STIMATE: variants seen among roughly 807,000 people sequenced by gnomAD.
The protein encoded by STIMATE is store-operated calcium entry regulator STIMATE.
Under a neutral mutation model 36.7 loss-of-function variants are expected in STIMATE, and 15 were observed. That is an observed-to-expected ratio of 0.41 (90% confidence interval 0.27 to 0.63). STIMATE has a LOEUF of 0.63. Ranked by LOEUF, STIMATE falls within the 20% of genes least tolerant of loss-of-function variation. STIMATE has a pLI of 0.32. For missense variants in STIMATE, 305 were observed against 397.3 expected, an observed-to-expected ratio of 0.77 and a Z score of 1.98; for synonymous variants, 163 against 162.3, an observed-to-expected ratio of 1.00 and a Z score of -0.03.
At chr3:52,894,226 T>C (rs897505390) in intron 1 of STIMATE, among the ~76,000 whole-genome samples, 4 of 152,214 alleles carry the variant, frequency 2.6e-5, no homozygotes, top group Non-Finnish European at 4.4e-5. Flanking sequence ...AGTATGTTCA[T>C]CTTTCCTTGC....
chr3:52,843,185 G>A, intron 6 of STIMATE: 1 of 866,056 alleles, frequency 1.2e-6, no homozygotes, highest in Non-Finnish European at 1.7e-6. Flanking sequence ...AACGTGCCCT[G>A]ACGGGTTTTT....
intron 1 of STIMATE, among the ~76,000 whole-genome samples, chr3:52,859,504 A>AC (rs1431185172): frequency 5.7e-5 from 4 of 70,410 alleles, no homozygotes; most frequent in Non-Finnish European, 1.2e-4. Context: ...CATTTCTCCA[A>AC]AAAAAAAAAA....
chr3:52,856,368 T>C (rs538117315), intron 1 of STIMATE, among the ~76,000 whole-genome samples: 2 of 152,236 alleles, frequency 1.3e-5, no homozygotes, highest in African/African-American at 4.8e-5. Flanking sequence ...CAAAGACATG[T>C]TGGGACTAAG....
intron 1 of STIMATE, among the ~76,000 whole-genome samples, chr3:52,863,785 C>T (rs4350911): frequency 0.58 from 87,665 of 151,992 alleles, 25,723 homozygotes; most frequent in Middle Eastern, 0.64. Flanking sequence ...GAGAAATTGG[C>T]CAAAACAAAG....
rs996565261 is a variant in STIMATE, at chr3:52,883,971, T to C, written c.160+13320A>G. On this transcript the variant is annotated intron_variant, in intron 1 of 7. Transcript: ENST00000355083. ...ACCTAACCTGTCTAGAAATTGTTGA[T>C]TGGGGCTATACATCATGATTGTTAG... 5.3e-5 allele frequency among the ~76,000 whole-genome samples: 8 copies of C among 152,338 alleles called. No individual in the cohort carries two copies. In the East Asian group the frequency reaches 1.2e-3, roughly 22 times the overall value.
At chr3:52,841,425 C>G (rs1034380887) in intron 7 of STIMATE, among the ~76,000 whole-genome samples, 2 of 152,206 alleles carry the variant, frequency 1.3e-5, no homozygotes, top group Admixed American at 6.5e-5. Flanking sequence ...GTTCTAAGGC[C>G]CTGGAATGAC....
At position 52,884,257 on chromosome 3, in the gene STIMATE, T is replaced by C. The variant is rs555546477; in HGVS notation, c.160+13034A>G. ...CCATCACCCAAAAAGTTTTTTTTTTTTTTTTTGAGACAGAGTCTCACTCTG... is the reference window on the plus strand; with the variant it reads ...CCATCACCCAAAAAGTTTTTTTTTTCTTTTTTGAGACAGAGTCTCACTCTG... On this transcript the variant is annotated intron_variant, in intron 1 of 7. Transcript: ENST00000355083. Among the ~76,000 whole-genome samples the C allele has an allele frequency of 7.1e-3, 1,082 of 151,756 alleles. 111 individuals carry two copies. In the South Asian group the frequency reaches 0.2, roughly 28 times the overall value.
At chr3:52,855,324 C>A in intron 2 of STIMATE, 72 bp downstream of exon 2, 6 of 1,543,548 alleles carry the variant, frequency 3.9e-6, no homozygotes, top group Non-Finnish European at 5.3e-6. Flanking sequence ...CAACACCATA[C>A]CCCACCCCCA....
chr3:52,874,327 G>A (rs1221959939), intron 1 of STIMATE, among the ~76,000 whole-genome samples: 1 of 152,172 alleles, frequency 6.6e-6, no homozygotes, highest in Non-Finnish European at 1.5e-5. Context: ...AAACCCTCAT[G>A]CTAAATGGGG....
chr3:52,846,193 A>G (rs1700896484), intron 4 of STIMATE, among the ~76,000 whole-genome samples: 1 of 152,222 alleles, frequency 6.6e-6, no homozygotes, highest in Non-Finnish European at 1.5e-5. Context: ...TGTGGCAGAA[A>G]CACATCAGTC....
chr3:52,842,992 G>A, intron 6 of STIMATE, 32 bp from the exon 7 acceptor site: 6 of 1,613,454 alleles, frequency 3.7e-6, no homozygotes, highest in Middle Eastern at 1.7e-4. Flanking sequence ...GTTACTTTGG[G>A]ATAAACCATT....
At chr3:52,885,918 T>C (rs1332952088) in intron 1 of STIMATE, among the ~76,000 whole-genome samples, 1 of 152,236 alleles carries the variant, frequency 6.6e-6, no homozygotes, top group Non-Finnish European at 1.5e-5. Context: ...AGTTGCTTTA[T>C]ATATTTTGGC....
At chr3:52,843,955 G>A (rs1700852333) in intron 5 of STIMATE, among the ~76,000 whole-genome samples, 157 bp from the exon 6 acceptor site, 1 of 152,182 alleles carries the variant, frequency 6.6e-6, no homozygotes, top group Non-Finnish European at 1.5e-5. Flanking sequence ...GTTCCCAGAT[G>A]AGACTGTCCA....
At chr3:52,873,971 C>T (rs1701454494) in intron 1 of STIMATE, among the ~76,000 whole-genome samples, 1 of 152,204 alleles carries the variant, frequency 6.6e-6, no homozygotes, top group Non-Finnish European at 1.5e-5. Context: ...GTGTGTTTTC[C>T]ACCAGTCCAC....
At chr3:52,851,741 T>C (rs1701003287) in intron 3 of STIMATE, among the ~76,000 whole-genome samples, 1 of 152,240 alleles carries the variant, frequency 6.6e-6, no homozygotes, top group African/African-American at 2.4e-5. Context: ...TTCATTCACT[T>C]AGCAAACATT....
At chr3:52,885,718 T>C (rs1203727911) in intron 1 of STIMATE, among the ~76,000 whole-genome samples, 3 of 152,242 alleles carry the variant, frequency 2.0e-5, no homozygotes, top group South Asian at 4.1e-4. Context: ...AAATTCCAAC[T>C]GCATTGGCCT....
At chr3:52,868,667 G>C (rs1391588028) in intron 1 of STIMATE, among the ~76,000 whole-genome samples, 1 of 152,148 alleles carries the variant, frequency 6.6e-6, no homozygotes, top group Non-Finnish European at 1.5e-5. Flanking sequence ...TTGTCGCTCA[G>C]GCTGGAGTGC....
chr3:52,858,917 G>C (rs558608290), intron 1 of STIMATE, among the ~76,000 whole-genome samples: 30 of 152,252 alleles, frequency 2.0e-4, no homozygotes, highest in African/African-American at 7.2e-4. Flanking sequence ...CCAGCACTTA[G>C]GGAGGCCGAG....
intron 1 of STIMATE, among the ~76,000 whole-genome samples, chr3:52,865,586 C>T (rs1353265407): frequency 6.7e-6 from 1 of 149,208 alleles, no homozygotes; most frequent in East Asian, 2.0e-4. Flanking sequence ...CATCAGATCT[C>T]ATGAGACTTA....
Sources: allele counts gnomAD v4.1 joint callset (sites outside exome capture counted in the v4.1 genomes callset), GRCh38; gene constraint gnomAD v4.1.1; transcripts MANE v1.5; gene names NCBI Gene and HGNC (gene_info 2026-07-23, HGNC 2026-07-21).